SCN1B: variants seen among roughly 807,000 people sequenced by gnomAD.
SCN1B encodes the protein sodium voltage-gated channel beta subunit 1.
Under a neutral mutation model 25.7 loss-of-function variants are expected in SCN1B, and 11 were observed. That is an observed-to-expected ratio of 0.43 (90% CI 0.27 to 0.71). The LOEUF (loss-of-function observed/expected upper bound fraction) is 0.71. Among genes scored for constraint, SCN1B ranks in the 30% least tolerant of loss-of-function variants. The probability of loss-of-function intolerance (pLI) is 0.21; values close to 1 mark genes in which losing one functional copy is unlikely to be tolerated. For synonymous variants in SCN1B, 119 were observed against 117.5 expected, an observed-to-expected ratio of 1.01 and a Z score of -0.08; for missense variants, 224 against 291.5, an observed-to-expected ratio of 0.77 and a Z score of 1.69.
intron 3 of SCN1B, 49 bp from the exon 4 acceptor site, chr19:35,039,068 G>A (rs935051260): frequency 6.2e-7 from 1 of 1,611,232 alleles, no homozygotes; most frequent in African/African-American, 1.3e-5. Flanking sequence ...GCACACTCAG[G>A]CTGTCATGCA....
intron 3 of SCN1B, chr19:35,034,654 A>G (rs2064237287): frequency 6.2e-6 from 1 of 162,100 alleles, no homozygotes; most frequent in African/African-American, 2.4e-5. Flanking sequence ...CTCATGGGCA[A>G]CACGCACTGC....
At chr19:35,039,000 C>T (rs2064265332) in intron 3 of SCN1B, 117 bp from the exon 4 acceptor site, 1 of 1,191,390 alleles carries the variant, frequency 8.4e-7, no homozygotes, top group Non-Finnish European at 1.2e-6. Flanking sequence ...AATCACAGTG[C>T]ATACACCAGG....
chr19:35,039,768 C>G (rs2064274246), intron 5 of SCN1B, 29 bp from the exon 6 acceptor site: 2 of 1,518,646 alleles, frequency 1.3e-6, no homozygotes, highest in African/African-American at 1.4e-5. Context: ...CCCCAGGTCC[C>G]TAATTCCCCC....
chr19:35,039,039 C>T lies in SCN1B; in HGVS notation c.449-78C>T, dbSNP rs185970613. ...AGGGAGGTTGAGCCACTCATCCAAG[C>T]TCACACAGCAAGCTCACAGCACACT... On this transcript the variant is annotated intron_variant, in intron 3 of 5. Coordinates refer to ENST00000262631, the MANE Select transcript of SCN1B (RefSeq NM_001037.5). 796 of 1,555,518 alleles carry T rather than the reference C, an allele frequency of 5.1e-4. 7 individuals are homozygous for T. The Admixed American group carries it at 0.013, about 25-fold the overall frequency.
chr19:35,033,530 T>C lies in SCN1B; in HGVS notation c.239T>C (p.Leu80Pro), dbSNP rs774417646. 3 of 1,613,846 alleles carry C rather than the reference T, an allele frequency of 1.9e-6. No individual in the cohort carries two copies. In the East Asian group the frequency reaches 6.7e-5, roughly 36 times the overall value. The change falls in exon 3 of 6, where the codon CTG (leucine) becomes CCG (proline). Residue 80 changes from leucine to proline, a missense_variant. By Grantham distance (98) the Leu-to-Pro change is moderately conservative. This residue lies in a region of SCN1B where 126 missense variants were observed against 204.9 expected (regional missense o/e 0.61). Coordinates refer to ENST00000262631, the MANE Select transcript of SCN1B (RefSeq NM_001037.5). ...ILRYENEVLQ[L>P]EEDERFEGRV... ...CGCTATGAGAATGAGGTGTTGCAGC[T>C]GGAGGAGGATGAGCGCTTCGAGGGC...
At chr19:35,039,306 A>G (rs1328369275) in intron 4 of SCN1B, 48 bp downstream of exon 4, 3 of 1,605,500 alleles carry the variant, frequency 1.9e-6, no homozygotes, top group East Asian at 2.2e-5. Context: ...GCACCGTCAC[A>G]CTTGCCAGAG....
Position 35,039,709 on chromosome 19 carries a change from A to G in SCN1B, c.*5+3A>G, listed in dbSNP as rs1265541784. On this transcript the variant is annotated splice_donor_region_variant and intron_variant, in intron 5 of 5. Coordinates refer to ENST00000262631, the MANE Select transcript of SCN1B (RefSeq NM_001037.5). ...GTCCAGGTGGCCGAATAGCCCTGGT[A>G]AGGCGGATGGGCTGGCAGAGGGGAA... 1 of 1,614,090 alleles carries G rather than the reference A, an allele frequency of 6.2e-7. No individual in the cohort carries two copies. Among genetic ancestry groups the G allele is most frequent in the East Asian group, 2.2e-5 (1 of 44,876 alleles).
At chr19:35,034,000 T>C (rs1189832625) in intron 3 of SCN1B, 7 of 1,550,062 alleles carry the variant, frequency 4.5e-6, no homozygotes, top group Non-Finnish European at 6.1e-6. Flanking sequence ...TCACCTGTGC[T>C]GTATGACCTC....
chr19:35,031,138 C>T (rs545895223), intron 1 of SCN1B, among the ~76,000 whole-genome samples: 15 of 142,174 alleles, frequency 1.1e-4, no homozygotes, highest in Admixed American at 4.3e-4. Context: ...CAGCTGCTCC[C>T]GGAGCCCCGC....
intron 1 of SCN1B, among the ~76,000 whole-genome samples, chr19:35,031,078 C>T (rs1038068470): frequency 1.3e-5 from 2 of 151,720 alleles, no homozygotes; most frequent in East Asian, 2.0e-4. Context: ...GCCGGGCTGG[C>T]ACAGCCTGGC....
At position 35,039,213 on chromosome 19, in the gene SCN1B, ACAAGAAGATCGCTG is replaced by A; in HGVS notation, c.547_560del (p.Lys183ArgfsTer19). 1 of 1,614,152 alleles carries A rather than the reference ACAAGAAGATCGCTG, an allele frequency of 6.2e-7. No homozygotes were observed. The highest frequency in any genetic ancestry group is 1.1e-5 in the South Asian group (1 of 91,090). On this transcript the variant is annotated frameshift_variant, in exon 4 of 6. Coordinates refer to ENST00000262631, the MANE Select transcript of SCN1B (RefSeq NM_001037.5). LOFTEE classifies it high-confidence loss of function. The stretch of plus-strand genomic sequence containing the variant: ...CTCGTGGCAGAGATGATTTACTGCT[ACAAGAAGATCGCTG>A]CCGCCACGGAGACTGCTGCACAGGA...
rs775614055 is a variant in SCN1B at position 35,039,206 on chromosome 19, T to C, written c.538T>C (p.Tyr180His). 2 of 1,614,180 alleles carry C rather than the reference T, an allele frequency of 1.2e-6. No individual in the cohort carries two copies. The highest frequency in any genetic ancestry group is 1.7e-6 in the Non-Finnish European group (2 of 1,180,024). ...CATATGGCTCGTGGCAGAGATGATT[T>C]ACTGCTACAAGAAGATCGCTGCCGC... ...LTIWLVAEMI[Y>H]CYKKIAAATE... The change falls in exon 4 of 6, where the codon TAC becomes CAC. Residue 180 changes from tyrosine to histidine, a missense_variant. Tyr to His is a moderately conservative substitution (Grantham distance 83). Coordinates refer to ENST00000262631, the MANE Select transcript of SCN1B (RefSeq NM_001037.5).
chr19:35,039,503 C>A, intron 4 of SCN1B, 132 bp from the exon 5 acceptor site: 1 of 1,013,850 alleles, frequency 9.9e-7, no homozygotes, highest in Non-Finnish European at 1.5e-6. Context: ...GAGGAGTCCA[C>A]CCATAGACTC....
At chr19:35,033,379 G>A in intron 2 of SCN1B, 120 bp from the exon 3 acceptor site, 2 of 1,562,612 alleles carry the variant, frequency 1.3e-6, no homozygotes, top group Admixed American at 3.8e-5. Flanking sequence ...AGGTCAAGGT[G>A]TCTGAGCCCA....
rs201209882 is a variant in SCN1B at position 35,039,682 on chromosome 19, G to A, written c.638G>A (p.Gly213Asp). Reference protein sequence around the residue: ...ITSESKENCTGVQVAE With the variant: ...ITSESKENCTDVQVAE ...TCTGAAAGCAAAGAGAACTGCACGG[G>A]CGTCCAGGTGGCCGAATAGCCCTGG... Residue 213 changes from glycine to aspartate, a missense_variant, in exon 5 of 6, where the codon GGC becomes GAC. Physicochemically the swap from Gly to Asp is moderately conservative, Grantham distance 94 (BLOSUM62 -1). This residue lies in a region of SCN1B where 52 missense variants were observed against 50.8 expected (regional missense o/e 1.02). Transcript: ENST00000262631. 15 of 1,614,210 alleles carry A rather than the reference G, an allele frequency of 9.3e-6. No homozygotes were observed. Among genetic ancestry groups the A allele is most frequent in the Middle Eastern group, 3.3e-4 (2 of 6,062 alleles).
At chr19:35,038,816 C>T (rs2064263986) in intron 3 of SCN1B, 4 of 458,988 alleles carry the variant, frequency 8.7e-6, no homozygotes, top group Non-Finnish European at 1.6e-5. Context: ...CGCAAGGTCA[C>T]ACAGCTGGCC....
At position 35,030,663 on chromosome 19, in the gene SCN1B, C is replaced by T. The variant is rs1359350354; in HGVS notation, c.-158C>T. On this transcript the variant is annotated 5_prime_UTR_variant, in exon 1 of 6. Coordinates refer to ENST00000262631, the MANE Select transcript of SCN1B (RefSeq NM_001037.5). ...CCCGGCGGTAACCGGAGCGGGGGGG[C>T]CGCGCCCCCCCTCCTCCCCCCTCGC... 8.9e-5 allele frequency: 15 copies of T among 167,930 alleles called. No homozygotes were observed. The East Asian group carries it at 2.2e-3, about 24-fold the overall frequency. 10.4% of individuals were successfully genotyped at this position (167,930 alleles called of 1,614,324 possible). A position where few individuals can be genotyped will look rare whatever the true frequency, so the allele number is the denominator to read the frequency against.
intron 4 of SCN1B, 22 bp downstream of exon 4, chr19:35,039,280 T>C (rs1214039609): frequency 6.2e-7 from 1 of 1,609,098 alleles, no homozygotes; most frequent in Non-Finnish European, 8.5e-7. Flanking sequence ...GGCTGGGAGG[T>C]GGGAGGGCAC....
At chr19:35,038,488 T>C (rs1226918227) in intron 3 of SCN1B, 3 of 164,606 alleles carry the variant, frequency 1.8e-5, no homozygotes, top group African/African-American at 7.2e-5. Flanking sequence ...AGGGTCTGAG[T>C]GTTCCCATCT....
Sources: allele counts gnomAD v4.1 joint callset (sites outside exome capture counted in the v4.1 genomes callset), GRCh38; gene constraint gnomAD v4.1.1; regional missense constraint gnomAD v4.1.1; transcripts MANE v1.5; gene names NCBI Gene and HGNC (gene_info 2026-07-23, HGNC 2026-07-21).